Variants in HMCN1 observed in about 807,000 individuals in gnomAD.
HMCN1 encodes the protein hemicentin-1.
A neutral mutation model predicts 625.9 loss-of-function variants in HMCN1; 321 were observed. The ratio of observed to expected loss-of-function variants is 0.51; its 90% CI spans 0.47 to 0.56. HMCN1 has a LOEUF of 0.56. Ranked by LOEUF, HMCN1 falls within the 20% of genes least tolerant of loss-of-function variation. The pLI, the probability that HMCN1 is intolerant of heterozygous loss-of-function variation, is 0.00. For synonymous variants in HMCN1, 2,425 were observed against 2,417.6 expected (o/e 1.00, Z -0.09); for missense variants, 6,588 against 6,887.3 (o/e 0.96, Z 1.54).
chr1:185,843,319 C>G (rs184657996), intron 1 of HMCN1, among the ~76,000 whole-genome samples: 1 of 151,978 alleles, frequency 6.6e-6, no homozygotes, highest in Non-Finnish European at 1.5e-5. Flanking sequence ...ACAGGTACGT[C>G]GGCAGGAGAA....
Position 186,172,063 on chromosome 1 carries a change from G to A in HMCN1, c.15746G>A (p.Arg5249His), listed in dbSNP as rs766387783. Residue 5249 changes from arginine to histidine, a missense_variant, in exon 102 of 107, where the codon CGT becomes CAT. Transcript: ENST00000271588. ...CCAGATCAGCACTGTAAGAACACCC[G>A]TGGTGGCTATAAGTGCATTGATCTT... ...CRPDQHCKNT[R>H]GGYKCIDLCP... 38 of 1,613,686 alleles carry A rather than the reference G, an allele frequency of 2.4e-5. No homozygotes were observed. Among genetic ancestry groups the A allele is most frequent in the South Asian group, 3.3e-5 (3 of 91,088 alleles).
In HMCN1 at chr1:185,803,147, G is replaced by A. The variant is rs374635228; in HGVS notation, c.269-42879G>A. ...CAAAATAACCTTCACAGAAGAAAAA[G>A]TATCTTTTTTAGTAAATGCCTCTAC... On this transcript the variant is annotated intron_variant, in intron 1 of 106. Transcript: ENST00000271588. Among the ~76,000 whole-genome samples the A allele has an allele frequency of 2.9e-3, 285 of 96,752 alleles. 1 individual carries two copies. In the Middle Eastern group the frequency reaches 0.058, roughly 20 times the overall value. The allele number at this position is 96,752 out of a possible 152,430, so 63.5% of individuals were successfully genotyped here.
intron 2 of HMCN1, 29 bp downstream of exon 2, chr1:185,846,125 G>A: frequency 6.7e-7 from 1 of 1,485,090 alleles, no homozygotes; most frequent in Non-Finnish European, 9.4e-7. Context: ...TGTTCTCTTG[G>A]GGGAATGGAA....
rs772435249 is a variant in HMCN1 at position 186,074,693 on chromosome 1, G to A, written c.8140-48G>A. ...ACTATCAACTGCATGGCCTCTTAGA[G>A]GATTCATTATAGCACTTAATGCTAA... On this transcript the variant is annotated intron_variant, in intron 52 of 106. Transcript: ENST00000271588. 1.4e-4 allele frequency: 214 copies of A among 1,565,714 alleles called. No homozygotes were observed. In the Middle Eastern group the frequency reaches 3.5e-3, roughly 26 times the overall value.
intron 1 of HMCN1, among the ~76,000 whole-genome samples, chr1:185,802,366 T>C (rs1231519969): frequency 6.6e-6 from 1 of 152,062 alleles, no homozygotes; most frequent in Non-Finnish European, 1.5e-5. Context: ...CATCTTGATA[T>C]AAGAGATTCT....
chr1:186,035,457 C>G lies in HMCN1; in HGVS notation c.5750-2477C>G, dbSNP rs369337090. ...TTTTATTTTTATTATTTATTTCTAG[C>G]CTGTTTTGGTTTATTGTGTTGGTCT... is the stretch of plus-strand genomic sequence containing the variant. On this transcript the variant is annotated intron_variant, in intron 36 of 106. Coordinates refer to ENST00000271588, the MANE Select transcript of HMCN1 (RefSeq NM_031935.3). Among the ~76,000 whole-genome samples the G allele has an allele frequency of 3.9e-5, 6 of 151,906 alleles. 1 individual carries two copies. In the East Asian group the frequency reaches 5.8e-4, roughly 15 times the overall value.
chr1:186,125,929 AT>A, intron 82 of HMCN1, 135 bp downstream of exon 82: 1 of 666,930 alleles, frequency 1.5e-6, no homozygotes, highest in Non-Finnish European at 2.5e-6. Context: ...CACAAAATTA[AT>A]TTTACACGTA....
chr1:186,067,643 T>C (rs186689910), intron 49 of HMCN1, among the ~76,000 whole-genome samples, 191 bp from the exon 50 acceptor site: 85 of 152,254 alleles, frequency 5.6e-4, no homozygotes, highest in Middle Eastern at 3.4e-3. Context: ...TTTTTATGTG[T>C]CATCTCCTCC....
chr1:185,749,963 C>T (rs936335151), intron 1 of HMCN1, among the ~76,000 whole-genome samples: 2 of 152,200 alleles, frequency 1.3e-5, no homozygotes, highest in Non-Finnish European at 2.9e-5. Flanking sequence ...TCATATGGCT[C>T]TTGGCTAAAA....
intron 93 of HMCN1, among the ~76,000 whole-genome samples, chr1:186,149,893 C>T (rs1274540638): frequency 6.6e-6 from 1 of 152,136 alleles, no homozygotes; most frequent in East Asian, 1.9e-4. Context: ...ACACACAAAA[C>T]ATTGATTAAG....
At chr1:185,783,365 C>G (rs1179578738) in intron 1 of HMCN1, among the ~76,000 whole-genome samples, 4 of 152,202 alleles carry the variant, frequency 2.6e-5, no homozygotes, top group Non-Finnish European at 5.9e-5. Context: ...CATTCTCCAT[C>G]CAGCTTTGTT....
At chr1:185,917,430 A>AT (rs1009927323) in intron 6 of HMCN1, among the ~76,000 whole-genome samples, 5 of 152,242 alleles carry the variant, frequency 3.3e-5, no homozygotes, top group South Asian at 2.1e-4. Flanking sequence ...GGTAAATATC[A>AT]TTTTTTTGAA....
rs1191997274 is a variant in HMCN1, at chr1:185,948,818, A to G, written c.1829-13700A>G. 5.9e-3 allele frequency among the ~76,000 whole-genome samples: 885 copies of G among 150,402 alleles called. 18 individuals carry two copies. The highest frequency in any genetic ancestry group is 0.021 in the African/African-American group (844 of 40,200). On this transcript the variant is annotated intron_variant, in intron 11 of 106. Transcript: ENST00000271588. ...AAAATTTTTGGGGGGTGGTATGGAGAGAGAATGGGCGATGTTTCTCAGGGC... is the reference window on the plus strand; with the variant it reads ...AAAATTTTTGGGGGGTGGTATGGAGGGAGAATGGGCGATGTTTCTCAGGGC...
intron 9 of HMCN1, among the ~76,000 whole-genome samples, chr1:185,927,858 C>G (rs142655106): frequency 6.6e-6 from 1 of 152,128 alleles, no homozygotes; most frequent in East Asian, 1.9e-4. Context: ...CTCTTTGAAA[C>G]AGATTAAATA....
chr1:185,785,526 G>C (rs1435588286), intron 1 of HMCN1, among the ~76,000 whole-genome samples: 1 of 152,140 alleles, frequency 6.6e-6, no homozygotes, highest in African/African-American at 2.4e-5. Flanking sequence ...AATTTTCCCT[G>C]GAAGTCCAAT....
At chr1:185,931,320 C>T (rs1418833086) in intron 10 of HMCN1, among the ~76,000 whole-genome samples, 3 of 152,138 alleles carry the variant, frequency 2.0e-5, no homozygotes, top group Non-Finnish European at 2.9e-5. Flanking sequence ...CTTTGTACTC[C>T]TAGAACAGGT....
chr1:186,171,983 A>T (rs753409803), intron 101 of HMCN1, 23 bp from the exon 102 acceptor site: 2 of 1,611,134 alleles, frequency 1.2e-6, no homozygotes, highest in Non-Finnish European at 1.7e-6. Flanking sequence ...CTTAATCTAC[A>T]TTACCTTTGT....
chr1:186,164,087 T>C (rs1651708987), intron 97 of HMCN1, among the ~76,000 whole-genome samples: 2 of 152,176 alleles, frequency 1.3e-5, no homozygotes, highest in Non-Finnish European at 2.9e-5. Context: ...AACCGTGCAA[T>C]GATCACTTAG....
intron 1 of HMCN1, among the ~76,000 whole-genome samples, chr1:185,786,174 A>G (rs1657555367): frequency 6.6e-6 from 1 of 152,226 alleles, no homozygotes; most frequent in South Asian, 2.1e-4. Context: ...GTTGTTATTT[A>G]TCAAGCTCCA....
Sources: gnomAD v4.1 joint callset for allele counts (sites outside exome capture counted in the v4.1 genomes callset) on GRCh38, gnomAD v4.1.1 for gene constraint, MANE v1.5 for transcripts, NCBI Gene and HGNC (gene_info 2026-07-23, HGNC 2026-07-21) for gene names.